CLTA: variants seen among roughly 807,000 people sequenced by gnomAD.
The protein encoded by CLTA is clathrin light chain A, also known as clathrin, light polypeptide (Lca).
Under a neutral mutation model 26.9 loss-of-function variants are expected in CLTA, and 9 were observed. The ratio of observed to expected loss-of-function variants is 0.33; its 90% CI spans 0.20 to 0.58. CLTA has a LOEUF of 0.58. Among genes scored for constraint, CLTA ranks in the 20% least tolerant of loss-of-function variants. CLTA has a pLI of 0.85. For synonymous variants in CLTA, 120 were observed against 115.5 expected (o/e 1.04, Z -0.25); for missense variants, 278 against 294.2 (o/e 0.94, Z 0.40).
intron 4 of CLTA, 162 bp from the exon 5 acceptor site, chr9:36,211,441 C>T (rs1389366685): frequency 1.4e-5 from 5 of 368,504 alleles, no homozygotes; most frequent in African/African-American, 2.2e-5. Flanking sequence ...GAGCCAGCTA[C>T]GTGTCTACCT....
At chr9:36,201,781 A>T (rs1020999381) in intron 3 of CLTA, among the ~76,000 whole-genome samples, 2 of 152,126 alleles carry the variant, frequency 1.3e-5, no homozygotes, top group East Asian at 3.8e-4. Context: ...TGCATTCCAC[A>T]TCTGTACTTC....
chr9:36,206,726 C>A (rs1363313013), intron 4 of CLTA, among the ~76,000 whole-genome samples: 2 of 151,990 alleles, frequency 1.3e-5, no homozygotes, highest in African/African-American at 4.8e-5. Context: ...GAAACCCCAT[C>A]TCTACTAAAA....
intron 3 of CLTA, among the ~76,000 whole-genome samples, chr9:36,203,270 C>T (rs1245809996): frequency 6.6e-6 from 1 of 152,176 alleles, no homozygotes; most frequent in East Asian, 1.9e-4. Flanking sequence ...GCTAGGTATG[C>T]ATTTTCTTGC....
intron 1 of CLTA, among the ~76,000 whole-genome samples, chr9:36,195,416 A>T (rs1424614959): frequency 6.6e-6 from 1 of 152,254 alleles, no homozygotes; most frequent in African/African-American, 2.4e-5. Context: ...AAAATAGGCA[A>T]ACTCAGAAAA....
At chr9:36,193,671 T>C (rs928016138) in intron 1 of CLTA, among the ~76,000 whole-genome samples, 5 of 152,182 alleles carry the variant, frequency 3.3e-5, no homozygotes, top group African/African-American at 1.2e-4. Context: ...TACAGAGATA[T>C]ATAGGCAGTC....
rs77932356 is a variant in CLTA, at chr9:36,200,509, T to A, written c.373+1413T>A. Among the ~76,000 whole-genome samples the A allele has an allele frequency of 4.7e-4, 72 of 152,376 alleles. 1 individual carries two copies. The highest frequency in any genetic ancestry group is 1.7e-3 in the African/African-American group (69 of 41,592). Reference sequence around the variant, plus strand: ...GTTGAACTAGTGAAAACATGAGTCCTTATTTTTCAGATGGGATAACTGACA... The same window carrying A: ...GTTGAACTAGTGAAAACATGAGTCCATATTTTTCAGATGGGATAACTGACA... On this transcript the variant is annotated intron_variant, in intron 3 of 4. Coordinates refer to ENST00000345519, the MANE Select transcript of CLTA (RefSeq NM_001833.4).
At chr9:36,209,211 A>G (rs921179090) in intron 4 of CLTA, 29 of 1,609,708 alleles carry the variant, frequency 1.8e-5, no homozygotes, top group African/African-American at 4.0e-5. Context: ...CTGCTTCTCA[A>G]TGTTCTCTCT....
rs1827996064 is a variant in CLTA, at chr9:36,210,797, T to C, written c.486-806T>C. On this transcript the variant is annotated intron_variant, in intron 4 of 4. Transcript: ENST00000345519. ...CCCCTCCGTCCCCACAGACCAGTCA[T>C]CTCCATTGCTTTTGCTTTGCCCGTG... 4.2e-6 allele frequency: 4 copies of C among 957,782 alleles called. No homozygotes were observed. In the East Asian group the frequency reaches 9.6e-5, roughly 23 times the overall value. The allele number at this position is 957,782 out of a possible 1,614,324, so 59.3% of individuals were successfully genotyped here.
chr9:36,204,700 T>C (rs182866945), intron 4 of CLTA, among the ~76,000 whole-genome samples: 1 of 152,358 alleles, frequency 6.6e-6, no homozygotes, highest in Non-Finnish European at 1.5e-5. Context: ...TAAAAAGTCT[T>C]GAATTGACTT....
intron 2 of CLTA, 151 bp downstream of exon 2, chr9:36,197,739 T>TA (rs1314402179): frequency 1.6e-6 from 1 of 624,668 alleles, no homozygotes; most frequent in East Asian, 2.7e-5. Context: ...TGGAAAGATT[T>TA]AAAGAGAGGT....
chr9:36,210,712 G>A, intron 4 of CLTA: 6 of 1,608,906 alleles, frequency 3.7e-6, no homozygotes, highest in Non-Finnish European at 3.4e-6. Flanking sequence ...TGAAGTCGCA[G>A]TGTTGTAGTG....
chr9:36,196,898 G>A lies in CLTA; in HGVS notation c.218-653G>A, dbSNP rs1587209997. 3.9e-5 allele frequency among the ~76,000 whole-genome samples: 6 copies of A among 152,200 alleles called. No individual in the cohort carries two copies. The South Asian group carries it at 1.2e-3, about 31-fold the overall frequency. On this transcript the variant is annotated intron_variant, in intron 1 of 4. Transcript: ENST00000345519. ...AAATTAAGAAAAATATGAGAGGCCA[G>A]GCATGGTGGCTCATGCCTGTAATCC...
rs979651549 is a variant in CLTA, at chr9:36,191,081, G to A, written c.25G>A (p.Ala9Thr). ...CATGGCTGAGCTGGATCCGTTCGGCGCCCCTGCCGGCGCCCCTGGCGGTCC... is the reference window on the plus strand; with the variant it reads ...CATGGCTGAGCTGGATCCGTTCGGCACCCCTGCCGGCGCCCCTGGCGGTCC... Reference protein sequence around the residue: MAELDPFGAPAGAPGGPAL... With the variant: MAELDPFGTPAGAPGGPAL... The change falls in exon 1 of 5, where the codon GCC becomes ACC. Residue 9 changes from alanine to threonine, a missense_variant. Physicochemically the swap from Ala to Thr is moderately conservative, Grantham distance 58. Coordinates refer to ENST00000345519, the MANE Select transcript of CLTA (RefSeq NM_001833.4). 1 of 1,583,292 alleles carries A rather than the reference G, an allele frequency of 6.3e-7. No homozygotes were observed. Among genetic ancestry groups the A allele is most frequent in the South Asian group, 1.1e-5 (1 of 88,950 alleles).
rs1827584595 is a variant in CLTA, at chr9:36,204,159, G to C, written c.465G>C (p.Gln155His). The change falls in exon 4 of 5, where the codon CAG becomes CAC. Residue 155 changes from glutamine to histidine, a missense_variant. Transcript: ENST00000345519. ...ATGCAAGACAGGACGAGCAGCTACA[G>C]AAAACAAAAGCAAACAACAGGTCAG... ...EWYARQDEQLQKTKANNRAAE... is the reference protein window; with the variant it reads ...EWYARQDEQLHKTKANNRAAE... 1 of 1,613,962 alleles carries C rather than the reference G, an allele frequency of 6.2e-7. No individual in the cohort carries two copies. Among genetic ancestry groups the C allele is most frequent in the Non-Finnish European group, 8.5e-7 (1 of 1,179,896 alleles).
chr9:36,194,986 A>T (rs1826937148), intron 1 of CLTA, among the ~76,000 whole-genome samples: 1 of 152,202 alleles, frequency 6.6e-6, no homozygotes, highest in Non-Finnish European at 1.5e-5. Context: ...CTTGTTTTGT[A>T]TATGGAGTAG....
In CLTA at chr9:36,204,095, A is replaced by C. The variant is rs1803901; in HGVS notation, c.401A>C (p.Glu134Ala). 6.2e-7 allele frequency: 1 copy of C among 1,614,162 alleles called. No individual in the cohort carries two copies. Among genetic ancestry groups the C allele is most frequent in the Non-Finnish European group, 8.5e-7 (1 of 1,179,998 alleles). The part of the protein sequence containing the change: ...LDANSRKQEA[E>A]WKEKAIKELE... Reference sequence around the variant, plus strand: ...GCCAATTCTCGGAAGCAAGAAGCAGAGTGGAAAGAAAAGGCAATAAAGGAG... The same window carrying C: ...GCCAATTCTCGGAAGCAAGAAGCAGCGTGGAAAGAAAAGGCAATAAAGGAG... Residue 134 changes from glutamate (E) to alanine (A), a missense_variant, in exon 4 of 5, where the codon GAG becomes GCG. Coordinates refer to ENST00000345519, the MANE Select transcript of CLTA (RefSeq NM_001833.4).
chr9:36,191,763 G>A (rs2025880), intron 1 of CLTA, among the ~76,000 whole-genome samples: 14,713 of 152,238 alleles, frequency 0.097, 762 homozygotes, highest in East Asian at 0.17. Context: ...CACTTAAGGT[G>A]TACAGAGTGT....
chr9:36,205,546 C>T (rs565970669), intron 4 of CLTA, among the ~76,000 whole-genome samples: 25 of 152,284 alleles, frequency 1.6e-4, no homozygotes, highest in Middle Eastern at 3.4e-3. Context: ...TAAGTTTAGT[C>T]TGAAGTACTG....
At chr9:36,192,012 C>G (rs1015681484) in intron 1 of CLTA, among the ~76,000 whole-genome samples, 2 of 152,270 alleles carry the variant, frequency 1.3e-5, no homozygotes, top group East Asian at 1.9e-4. Flanking sequence ...CTCAGCCAAA[C>G]TCAAGTAAAA....
Sources: allele counts gnomAD v4.1 joint callset (sites outside exome capture counted in the v4.1 genomes callset), GRCh38; gene constraint gnomAD v4.1.1; transcripts MANE v1.5; gene names NCBI Gene and HGNC (gene_info 2026-07-23, HGNC 2026-07-21).